The following HHAT variants were observed in gnomAD, a reference collection of about 807,000 sequenced individuals.
HHAT encodes hedgehog acyltransferase, also known as protein-cysteine N-palmitoyltransferase HHAT.
HHAT carries 47 observed loss-of-function variants against 70.8 expected under a neutral mutation model. The observed-to-expected ratio is 0.66, with a 90% CI of 0.53 to 0.85. HHAT has a LOEUF of 0.85. Among genes scored for constraint, HHAT ranks in the 40% least tolerant of loss-of-function variants. The pLI, the probability that HHAT is intolerant of heterozygous loss-of-function variation, is 0.00. For missense variants in HHAT, 609 were observed against 604.8 expected, an observed-to-expected ratio of 1.01 and a Z score of -0.07; for synonymous variants, 228 against 247.6, an observed-to-expected ratio of 0.92 and a Z score of 0.74.
intron 8 of HHAT, among the ~76,000 whole-genome samples, chr1:210,498,831 G>A (rs1186284002): frequency 2.7e-5 from 4 of 147,418 alleles, no homozygotes; most frequent in Non-Finnish European, 5.9e-5. Flanking sequence ...AGTCAGTGGT[G>A]CGATCTCAGC....
chr1:210,533,203 A>G (rs572995769), intron 9 of HHAT, among the ~76,000 whole-genome samples: 1 of 100,898 alleles, frequency 9.9e-6, no homozygotes, highest in Non-Finnish European at 2.7e-5. Context: ...GGATATGGCC[A>G]GGAGTGATAA....
In HHAT at chr1:210,545,629, G is replaced by C. The variant is rs141064527; in HGVS notation, c.1043+32441G>C. Among the ~76,000 whole-genome samples, 1,017 of 152,016 alleles carry C rather than the reference G, an allele frequency of 6.7e-3. 17 individuals are homozygous for C. Among genetic ancestry groups the C allele is most frequent in the African/African-American group, 0.023 (972 of 41,438 alleles). On this transcript the variant is annotated intron_variant, in intron 9 of 11. Coordinates refer to ENST00000261458, the MANE Select transcript of HHAT (RefSeq NM_018194.6). Reference sequence around the variant, plus strand: ...CTTTTGTATTTTTTGTAGAGATGGGGTTTCACCACATTGTCCAGGCTGGCC... The same window carrying C: ...CTTTTGTATTTTTTGTAGAGATGGGCTTTCACCACATTGTCCAGGCTGGCC...
intron 3 of HHAT, among the ~76,000 whole-genome samples, chr1:210,372,898 G>T (rs946347339): frequency 1.3e-5 from 2 of 151,948 alleles, no homozygotes; most frequent in African/African-American, 4.8e-5. Context: ...TATTACAAGG[G>T]TATCAGAGCC....
chr1:210,521,213 G>T (rs540877439), intron 9 of HHAT, among the ~76,000 whole-genome samples: 5 of 152,304 alleles, frequency 3.3e-5, no homozygotes, highest in Non-Finnish European at 7.4e-5. Flanking sequence ...ATTTTGTTCT[G>T]ATGAGAGAGA....
intron 8 of HHAT, among the ~76,000 whole-genome samples, chr1:210,492,353 A>G (rs945534086): frequency 4.6e-5 from 7 of 152,228 alleles, no homozygotes; most frequent in African/African-American, 1.7e-4. Context: ...TCACTCCCCA[A>G]GCCCCATGAA....
At chr1:210,392,221 G>C (rs1309216478) in intron 4 of HHAT, among the ~76,000 whole-genome samples, 1 of 152,122 alleles carries the variant, frequency 6.6e-6, no homozygotes, top group Non-Finnish European at 1.5e-5. Context: ...ATGATGGGCA[G>C]AAGGAAAGGT....
chr1:210,612,463 T>C (rs1403240397), intron 10 of HHAT, among the ~76,000 whole-genome samples: 3 of 152,216 alleles, frequency 2.0e-5, no homozygotes, highest in Non-Finnish European at 1.5e-5. Context: ...AGTTCATTCA[T>C]GTTGTGGCAT....
chr1:210,621,370 A>G (rs1668799498), intron 10 of HHAT, among the ~76,000 whole-genome samples: 1 of 152,172 alleles, frequency 6.6e-6, no homozygotes, highest in Non-Finnish European at 1.5e-5. Flanking sequence ...TGGATCCCTT[A>G]GGAATCAAAT....
At chr1:210,492,290 A>G (rs2094564677) in intron 8 of HHAT, among the ~76,000 whole-genome samples, 1 of 152,204 alleles carries the variant, frequency 6.6e-6, no homozygotes. Flanking sequence ...CATTTATGAT[A>G]CAGCACAATA....
At chr1:210,547,748 A>G (rs1322513985) in intron 9 of HHAT, among the ~76,000 whole-genome samples, 1 of 152,192 alleles carries the variant, frequency 6.6e-6, no homozygotes, top group Non-Finnish European at 1.5e-5. Context: ...TTCCCTCCGC[A>G]TAGCTTTAAT....
intron 9 of HHAT, among the ~76,000 whole-genome samples, chr1:210,530,142 T>G (rs2095299054): frequency 6.6e-6 from 1 of 152,064 alleles, no homozygotes; most frequent in African/African-American, 2.4e-5. Flanking sequence ...TTATGTAAAA[T>G]TGCACACAAA....
At chr1:210,485,560 T>C (rs1285068818) in intron 8 of HHAT, among the ~76,000 whole-genome samples, 1 of 152,134 alleles carries the variant, frequency 6.6e-6, no homozygotes, top group Admixed American at 6.5e-5. Flanking sequence ...GATAAAGACC[T>C]ACCTGAGACT....
intron 8 of HHAT, among the ~76,000 whole-genome samples, chr1:210,481,815 A>G (rs1172486240): frequency 2.0e-5 from 3 of 152,376 alleles, no homozygotes; most frequent in East Asian, 1.9e-4. Flanking sequence ...AATGATCAGC[A>G]TAGGCTTCAT....
At chr1:210,505,554 AGG>A (rs34638852) in intron 8 of HHAT, among the ~76,000 whole-genome samples, 3,441 of 152,266 alleles carry the variant, frequency 0.023, 65 homozygotes, top group Non-Finnish European at 0.033. Flanking sequence ...AAATTGGGTT[AGG>A]TAGGCCAGCT....
chr1:210,473,496 A>G (rs913936262), intron 8 of HHAT, among the ~76,000 whole-genome samples: 4 of 151,950 alleles, frequency 2.6e-5, no homozygotes, highest in African/African-American at 9.7e-5. Flanking sequence ...GGGGGACGGG[A>G]TGGGGAGAAA....
At chr1:210,586,561 C>T (rs76928831) in intron 9 of HHAT, among the ~76,000 whole-genome samples, 36 of 152,274 alleles carry the variant, frequency 2.4e-4, no homozygotes, top group Middle Eastern at 3.4e-3. Context: ...ATAAACAGGA[C>T]AAATGCTAAA....
At chr1:210,621,334 C>G (rs893680106) in intron 10 of HHAT, among the ~76,000 whole-genome samples, 2 of 152,232 alleles carry the variant, frequency 1.3e-5, no homozygotes, top group Admixed American at 1.3e-4. Context: ...GGGGTTAGAA[C>G]AGAAGTGGTG....
At chr1:210,591,793 C>T (rs903521031) in intron 10 of HHAT, among the ~76,000 whole-genome samples, 5 of 152,062 alleles carry the variant, frequency 3.3e-5, no homozygotes, top group South Asian at 2.1e-4. Flanking sequence ...TAGTGTTGAG[C>T]ACTTTTTCAT....
chr1:210,347,756 G>T (rs2147965908), intron 1 of HHAT, among the ~76,000 whole-genome samples: 1 of 152,248 alleles, frequency 6.6e-6, no homozygotes, highest in African/African-American at 2.4e-5. Context: ...GGGCTTGGGG[G>T]TGGTACCTGG....
Sources: gnomAD v4.1 joint callset for allele counts (sites outside exome capture counted in the v4.1 genomes callset) on GRCh38, gnomAD v4.1.1 for gene constraint, MANE v1.5 for transcripts, NCBI Gene and HGNC (gene_info 2026-07-23, HGNC 2026-07-21) for gene names.